Variants in STIM1 observed in about 807,000 individuals in gnomAD.
STIM1 encodes stromal interaction molecule 1.
STIM1 carries 25 observed loss-of-function variants against 74.7 expected under a neutral mutation model. The observed-to-expected ratio is 0.33, with a 90% CI of 0.24 to 0.47. STIM1 has a LOEUF of 0.47. STIM1 is among the 20% of genes least tolerant of loss of function. The pLI, the probability that STIM1 is intolerant of heterozygous loss-of-function variation, is 1.00. For synonymous variants in STIM1, 328 were observed against 348.8 expected, an observed-to-expected ratio of 0.94 and a Z score of 0.66; for missense variants, 728 against 920.8, an observed-to-expected ratio of 0.79 and a Z score of 2.71.
intron 2 of STIM1, among the ~76,000 whole-genome samples, chr11:4,007,729 T>C (rs1319822316): frequency 6.6e-6 from 1 of 152,194 alleles, no homozygotes; most frequent in Non-Finnish European, 1.5e-5. Context: ...CTCAGTACTT[T>C]AGTGTACAAC....
intron 3 of STIM1, among the ~76,000 whole-genome samples, chr11:4,049,845 A>G (rs1171898674): frequency 6.6e-6 from 1 of 151,944 alleles, no homozygotes; most frequent in East Asian, 1.9e-4. Context: ...TAACTTTGGG[A>G]AAGTTATATA....
intron 1 of STIM1, among the ~76,000 whole-genome samples, chr11:3,954,505 T>C (rs2093187768): frequency 6.6e-6 from 1 of 152,176 alleles, no homozygotes; most frequent in South Asian, 2.1e-4. Context: ...TTGAGCAAAT[T>C]ATCACAGAAA....
intron 1 of STIM1, among the ~76,000 whole-genome samples, chr11:3,900,382 C>T (rs922004499): frequency 2.0e-5 from 3 of 152,238 alleles, no homozygotes; most frequent in Non-Finnish European, 4.4e-5. Context: ...ACCCCTTGCA[C>T]TTCCCGAGTG....
intron 2 of STIM1, among the ~76,000 whole-genome samples, chr11:3,974,579 TAAAA>T (rs997362107): frequency 1.3e-5 from 2 of 151,844 alleles, no homozygotes; most frequent in African/African-American, 4.8e-5. Context: ...AAGAGTCTCT[TAAAA>T]GAAAAGAAAA....
intron 1 of STIM1, among the ~76,000 whole-genome samples, chr11:3,952,337 G>A (rs1052693057): frequency 6.6e-6 from 1 of 152,152 alleles, no homozygotes; most frequent in Non-Finnish European, 1.5e-5. Context: ...GGAAGCTGCA[G>A]TGAGCCATGA....
rs1288919175 is a variant in STIM1, at chr11:3,882,089, T to C, written c.139+25680T>C. On this transcript the variant is annotated intron_variant, in intron 1 of 12. Transcript: ENST00000526596. ...TATTGTAGCATGTATCAGCACTTCA[T>C]TCCTTTTTTTTTTTTTTTTTTTTTT... Among the ~76,000 whole-genome samples, 4 of 150,544 alleles carry C rather than the reference T, an allele frequency of 2.7e-5. No individual in the cohort carries two copies. The East Asian group carries it at 5.8e-4, about 22-fold the overall frequency.
At chr11:3,874,969 TA>T (rs1224021651) in intron 1 of STIM1, among the ~76,000 whole-genome samples, 1 of 151,980 alleles carries the variant, frequency 6.6e-6, no homozygotes, top group African/African-American at 2.4e-5. Context: ...TTTTTTTTTT[TA>T]ATTTTTATTT....
At chr11:3,973,688 C>G (rs932187057) in intron 2 of STIM1, among the ~76,000 whole-genome samples, 7 of 152,200 alleles carry the variant, frequency 4.6e-5, no homozygotes, top group Non-Finnish European at 8.8e-5. Context: ...TGAGCCACTG[C>G]ACCCAGCCAG....
chr11:3,938,836 G>A (rs752456075), intron 1 of STIM1, among the ~76,000 whole-genome samples: 1 of 152,132 alleles, frequency 6.6e-6, no homozygotes, highest in Non-Finnish European at 1.5e-5. Flanking sequence ...GACAGGGCAC[G>A]ACTGTCCCAA....
rs543544518 is a variant in STIM1 at position 4,043,666 on chromosome 11, G to A, written c.386-11860G>A. Among the ~76,000 whole-genome samples the A allele has an allele frequency of 7.3e-4, 111 of 152,164 alleles. 1 individual carries two copies. Among genetic ancestry groups the A allele is most frequent in the African/African-American group, 2.6e-3 (109 of 41,502 alleles). ...GAATCTAATTTATAAACACATATAC[G>A]TATATTGGCAATGTGTGTACAAAGC... On this transcript the variant is annotated intron_variant, in intron 3 of 12. Coordinates refer to ENST00000526596, the MANE Select transcript of STIM1 (RefSeq NM_001382567.1).
intron 1 of STIM1, among the ~76,000 whole-genome samples, chr11:3,937,813 C>T (rs557715877): frequency 6.6e-6 from 1 of 152,228 alleles, no homozygotes; most frequent in Non-Finnish European, 1.5e-5. Context: ...CCAGAACCTT[C>T]TCTCATGATC....
In STIM1 at chr11:3,873,278, C is replaced by T. The variant is rs183022878; in HGVS notation, c.139+16869C>T. Among the ~76,000 whole-genome samples, 775 of 151,924 alleles carry T rather than the reference C, an allele frequency of 5.1e-3. 7 individuals are homozygous for T. Among genetic ancestry groups the T allele is most frequent in the South Asian group, 0.027 (128 of 4,798 alleles). On this transcript the variant is annotated intron_variant, in intron 1 of 12. Coordinates refer to ENST00000526596, the MANE Select transcript of STIM1 (RefSeq NM_001382567.1). ...TAAAAATACAAAAAAATTAGCTGAG[C>T]GTGGTGGCGCATGTCTGTAATCCCA...
chr11:3,930,398 T>C lies in STIM1; in HGVS notation c.140-37154T>C, dbSNP rs1312151708. Among the ~76,000 whole-genome samples the C allele has an allele frequency of 2.6e-5, 4 of 152,238 alleles. No individual in the cohort carries two copies. The East Asian group carries it at 7.7e-4, about 29-fold the overall frequency. The stretch of plus-strand genomic sequence containing the variant: ...GACAGCTTCCCTGTTTATAACTTTC[T>C]ATAGTAAAATTGGGCTAGGATAATT... On this transcript the variant is annotated intron_variant, in intron 1 of 12. Coordinates refer to ENST00000526596, the MANE Select transcript of STIM1 (RefSeq NM_001382567.1).
intron 1 of STIM1, among the ~76,000 whole-genome samples, chr11:3,899,457 T>C (rs1350689752): frequency 2.1e-4 from 32 of 152,126 alleles, no homozygotes; most frequent in Non-Finnish European, 4.6e-4. Flanking sequence ...TCATGTCATC[T>C]GCAAACAGGG....
intron 6 of STIM1, among the ~76,000 whole-genome samples, chr11:4,070,462 G>A (rs1310535285): frequency 2.6e-5 from 4 of 152,184 alleles, no homozygotes; most frequent in African/African-American, 9.7e-5. Flanking sequence ...GCTGCCAGAG[G>A]TCTTGAGCTT....
At chr11:4,043,480 A>G (rs559118687) in intron 3 of STIM1, among the ~76,000 whole-genome samples, 2 of 152,196 alleles carry the variant, frequency 1.3e-5, no homozygotes, top group Non-Finnish European at 2.9e-5. Context: ...AAAACATAAT[A>G]TAAATACTGA....
intron 4 of STIM1, among the ~76,000 whole-genome samples, chr11:4,057,764 G>A (rs188307677): frequency 2.2e-4 from 34 of 152,114 alleles, no homozygotes; most frequent in Non-Finnish European, 3.5e-4. Context: ...CAGCTACTCG[G>A]GAGGCTGAGG....
chr11:3,937,307 A>ATAG (rs2092945588), intron 1 of STIM1, among the ~76,000 whole-genome samples: 1 of 147,488 alleles, frequency 6.8e-6, no homozygotes, highest in African/African-American at 2.5e-5. Flanking sequence ...AATAATAATA[A>ATAG]TAATAATAAT....
At chr11:3,929,534 C>G (rs1319439995) in intron 1 of STIM1, among the ~76,000 whole-genome samples, 2 of 152,142 alleles carry the variant, frequency 1.3e-5, no homozygotes, top group Admixed American at 1.3e-4. Context: ...TTCTAGAACA[C>G]AGTGCTTTAG....
Sources: allele counts gnomAD v4.1 joint callset (sites outside exome capture counted in the v4.1 genomes callset), GRCh38; gene constraint gnomAD v4.1.1; transcripts MANE v1.5; gene names NCBI Gene and HGNC (gene_info 2026-07-23, HGNC 2026-07-21).